The following MTA3 variants were observed in gnomAD, a reference collection of about 807,000 sequenced individuals.
MTA3 encodes metastasis associated 1 family member 3, also known as metastasis-associated protein MTA3.
MTA3 carries 34 observed loss-of-function variants against 83.5 expected under a neutral mutation model. The ratio of observed to expected loss-of-function variants is 0.41; its 90% CI spans 0.31 to 0.54. The LOEUF (loss-of-function observed/expected upper bound fraction) is 0.54, where lower values mean the gene tolerates loss of function less well. Ranked by LOEUF, MTA3 falls within the 20% of genes least tolerant of loss-of-function variation. MTA3 has a pLI of 0.33. For missense variants in MTA3, 761 were observed against 726.4 expected (o/e 1.05, Z -0.55); for synonymous variants, 303 against 252.7 (o/e 1.20, Z -1.89).
At chr2:42,677,868 C>T (rs769967834) in intron 8 of MTA3, among the ~76,000 whole-genome samples, 1 of 152,186 alleles carries the variant, frequency 6.6e-6, no homozygotes, top group Non-Finnish European at 1.5e-5. Flanking sequence ...TGCGCTCCCT[C>T]CCTGTCTCTC....
chr2:42,548,850 TATATATATA>T (rs1676911116), intron 2 of MTA3, among the ~76,000 whole-genome samples: 1 of 28,808 alleles, frequency 3.5e-5, no homozygotes, highest in Non-Finnish European at 5.2e-5. Context: ...ATATATAATA[TATATATATA>T]ATATATATAT....
chr2:42,605,787 G>A (rs1683249774), intron 3 of MTA3, among the ~76,000 whole-genome samples: 1 of 126,864 alleles, frequency 7.9e-6, no homozygotes, highest in African/African-American at 3.0e-5. Flanking sequence ...AGAAGGGGCG[G>A]CCGGGCAGAG....
intron 16 of MTA3, among the ~76,000 whole-genome samples, chr2:42,744,870 C>CCTA (rs1164225679): frequency 3.9e-5 from 6 of 152,166 alleles, no homozygotes; most frequent in Non-Finnish European, 2.9e-5. Context: ...TCCCCCTGAG[C>CCTA]AATCTGTTCA....
intron 2 of MTA3, among the ~76,000 whole-genome samples, chr2:42,535,285 G>A (rs1041033815): frequency 6.6e-5 from 10 of 152,176 alleles, no homozygotes; most frequent in African/African-American, 2.4e-4. Context: ...TACTCGGGAG[G>A]CTGAGGCAGG....
chr2:42,616,421 C>CTT (rs111768597), intron 4 of MTA3, among the ~76,000 whole-genome samples: 4,351 of 139,120 alleles, frequency 0.031, 73 homozygotes, highest in Middle Eastern at 0.067. Context: ...GATCTCTTGT[C>CTT]TTTTTTTTTT....
intron 2 of MTA3, among the ~76,000 whole-genome samples, chr2:42,510,875 C>A (rs780236422): frequency 2.7e-4 from 41 of 152,284 alleles, no homozygotes; most frequent in Non-Finnish European, 3.7e-4. Flanking sequence ...GGATTCTGTT[C>A]GGAAGAAAAA....
intron 3 of MTA3, among the ~76,000 whole-genome samples, chr2:42,593,708 C>CTTTATTTA (rs3039325): frequency 1.3e-5 from 2 of 151,106 alleles, no homozygotes; most frequent in Non-Finnish European, 2.9e-5. Context: ...GATATGGAGT[C>CTTTATTTA]TTTATTTATT....
chr2:42,653,764 T>C lies in MTA3; in HGVS notation c.500-2436T>C, dbSNP rs536646103. On this transcript the variant is annotated intron_variant, in intron 6 of 16. Coordinates refer to ENST00000405094, the MANE Select transcript of MTA3 (RefSeq NM_001330442.2). ...ATGGGTGGAATTAAAATTTGTCAAT[T>C]TAACTGACTTGAATTTGAAAAATAA... 2.5e-4 allele frequency among the ~76,000 whole-genome samples: 38 copies of C among 152,352 alleles called. No individual in the cohort carries two copies. The East Asian group carries it at 5.6e-3, about 22-fold the overall frequency.
intron 14 of MTA3, among the ~76,000 whole-genome samples, chr2:42,716,628 A>G (rs1296970455): frequency 6.6e-6 from 1 of 152,176 alleles, no homozygotes; most frequent in Non-Finnish European, 1.5e-5. Flanking sequence ...AGTGGCCTCC[A>G]GCTCCATCCA....
chr2:42,542,619 T>G (rs1676572713), intron 2 of MTA3, among the ~76,000 whole-genome samples: 1 of 152,142 alleles, frequency 6.6e-6, no homozygotes, highest in Non-Finnish European at 1.5e-5. Flanking sequence ...TGGCATGACC[T>G]TAGCTCACTG....
chr2:42,534,156 ATGTTCGGTAGG>A (rs1676111413), intron 2 of MTA3, among the ~76,000 whole-genome samples: 1 of 152,158 alleles, frequency 6.6e-6, no homozygotes, highest in Admixed American at 6.6e-5. Context: ...AGATCCTAAC[ATGTTCGGTAGG>A]ATTCTGAAGG....
At chr2:42,597,530 C>T (rs762854293) in intron 3 of MTA3, among the ~76,000 whole-genome samples, 2 of 150,374 alleles carry the variant, frequency 1.3e-5, no homozygotes, top group East Asian at 2.0e-4. Context: ...GGATTACAGG[C>T]GTGCACTACC....
intron 1 of MTA3, 28 bp from the exon 2 acceptor site, chr2:42,570,409 T>TTAAG: frequency 2.9e-6 from 4 of 1,387,644 alleles, no homozygotes; most frequent in Non-Finnish European, 3.9e-6. Context: ...GTTAAAAAGA[T>TTAAG]TAAGTTCTGT....
chr2:42,625,087 A>G (rs1343773733), intron 4 of MTA3, among the ~76,000 whole-genome samples: 1 of 152,022 alleles, frequency 6.6e-6, no homozygotes, highest in African/African-American at 2.4e-5. Context: ...GCTGGAGTGC[A>G]GTGGCGCCAT....
At chr2:42,519,176 C>G (rs1279972421) in intron 2 of MTA3, among the ~76,000 whole-genome samples, 1 of 152,128 alleles carries the variant, frequency 6.6e-6, no homozygotes, top group Non-Finnish European at 1.5e-5. Flanking sequence ...GAGAATGGCA[C>G]TTTGCCTCTG....
At chr2:42,495,169 C>A (rs950450304) in exon 2 of MTA3, 1 of 152,584 alleles carries the variant, frequency 6.6e-6, no homozygotes, top group Non-Finnish European at 1.5e-5. Flanking sequence ...GTAGGATTGT[C>A]CGGTGCCCGC....
intron 2 of MTA3, among the ~76,000 whole-genome samples, chr2:42,533,831 CAAAA>C (rs11362156): frequency 9.9e-4 from 114 of 114,896 alleles, no homozygotes; most frequent in African/African-American, 3.4e-3. Flanking sequence ...GACTCCGTCT[CAAAA>C]AAAAAAAAAA....
At chr2:42,675,221 C>T (rs1256772382) in intron 8 of MTA3, among the ~76,000 whole-genome samples, 3 of 152,090 alleles carry the variant, frequency 2.0e-5, no homozygotes, top group South Asian at 2.1e-4. Context: ...CTGCAACAGC[C>T]GCCTCCTGAG....
intron 2 of MTA3, among the ~76,000 whole-genome samples, chr2:42,499,566 C>T (rs1674302282): frequency 6.6e-6 from 1 of 150,376 alleles, no homozygotes; most frequent in Admixed American, 6.6e-5. Flanking sequence ...CCGAGTCAGG[C>T]AGATCACGAG....
Sources: allele counts gnomAD v4.1 joint callset (sites outside exome capture counted in the v4.1 genomes callset), GRCh38; gene constraint gnomAD v4.1.1; transcripts MANE v1.5; gene names NCBI Gene and HGNC (gene_info 2026-07-23, HGNC 2026-07-21).